Variants in DMTF1 observed in about 807,000 individuals in gnomAD.
DMTF1 encodes cyclin-D-binding Myb-like transcription factor 1.
In DMTF1, 39 loss-of-function variants were observed where a neutral mutation model predicts 91.1. The observed-to-expected ratio is 0.43, with a 90% CI of 0.33 to 0.56. DMTF1 has a LOEUF of 0.56. Ranked by LOEUF, DMTF1 falls within the 20% of genes least tolerant of loss-of-function variation. DMTF1 has a pLI of 0.05. For synonymous variants in DMTF1, 338 were observed against 309.5 expected (o/e 1.09, Z -0.97); for missense variants, 750 against 914.5 (o/e 0.82, Z 2.32).
Position 87,195,289 on chromosome 7 carries a change from CTT to C in DMTF1, c.*153_*154del. Reference sequence around the variant, plus strand: ...GCCACACACATTGTTGCTGCTATGACTTTTTACCTCCTTTAAACACATCATCT... The same window carrying C: ...GCCACACACATTGTTGCTGCTATGACTTTACCTCCTTTAAACACATCATCT... On this transcript the variant is annotated 3_prime_UTR_variant, in exon 18 of 18. Coordinates refer to ENST00000331242, the MANE Select transcript of DMTF1 (RefSeq NM_001142327.2). 1.7e-6 allele frequency: 1 copy of C among 596,782 alleles called. No individual in the cohort carries two copies. Among genetic ancestry groups the C allele is most frequent in the African/African-American group, 1.9e-5 (1 of 53,454 alleles). 37.0% of individuals were successfully genotyped at this position (596,782 alleles called of 1,614,324 possible).
intron 1 of DMTF1, among the ~76,000 whole-genome samples, chr7:87,157,809 C>T (rs181681783): frequency 1.1e-3 from 163 of 151,352 alleles, no homozygotes; most frequent in Admixed American, 5.7e-3. Context: ...CACAATAACT[C>T]CATTATAAGA....
chr7:87,174,684 A>ATT lies in DMTF1; in HGVS notation c.519+19_519+20dup. 1 of 1,572,762 alleles carries ATT rather than the reference A, an allele frequency of 6.4e-7. No individual in the cohort carries two copies. The highest frequency in any genetic ancestry group is 8.7e-7 in the Non-Finnish European group (1 of 1,149,306). On this transcript the variant is annotated intron_variant, in intron 7 of 17. Transcript: ENST00000331242. ...GCTATCTTAAGGTATCTTATGGCAT[A>ATT]TTTTTATGTTTCACCAATTTGTTTA...
chr7:87,194,443 C>T, intron 16 of DMTF1: 1 of 484,936 alleles, frequency 2.1e-6, no homozygotes, highest in Non-Finnish European at 3.6e-6. Flanking sequence ...ACTGTAACAG[C>T]ATTGTTTCTT....
At chr7:87,190,382 G>C (rs974715164) in intron 13 of DMTF1, among the ~76,000 whole-genome samples, 4 of 152,004 alleles carry the variant, frequency 2.6e-5, no homozygotes, top group African/African-American at 9.6e-5. Flanking sequence ...AGTGATTAAA[G>C]CCTAGTATTT....
At chr7:87,160,441 A>C (rs891638829) in intron 1 of DMTF1, among the ~76,000 whole-genome samples, 2 of 151,160 alleles carry the variant, frequency 1.3e-5, no homozygotes, top group African/African-American at 2.4e-5. Context: ...CACCCGGCTA[A>C]TTTTTGTATT....
At chr7:87,167,990 T>C (rs1794223367) in intron 4 of DMTF1, among the ~76,000 whole-genome samples, 1 of 152,232 alleles carries the variant, frequency 6.6e-6, no homozygotes, top group Non-Finnish European at 1.5e-5. Context: ...TTTTATTTTA[T>C]GGTGGTAAAC....
In DMTF1 at chr7:87,193,293, A is replaced by G. The variant is rs1212589881; in HGVS notation, c.1590A>G (p.Thr530=). The G allele has an allele frequency of 1.9e-6, 3 of 1,613,464 alleles. No homozygotes were observed. Among genetic ancestry groups the G allele is most frequent in the Admixed American group, 3.3e-5 (2 of 59,916 alleles). ...GLPLTLTASP[T]VTLTAAAPAS... Reference sequence around the variant, plus strand: ...CCCTAACTCTGACTGCTAGTCCCACAGTAACCCTGACAGCTGCTGCTCCTG... The same window carrying G: ...CCCTAACTCTGACTGCTAGTCCCACGGTAACCCTGACAGCTGCTGCTCCTG... The change falls in exon 15 of 18, where the codon ACA becomes ACG. Residue 530 remains threonine (T), a synonymous_variant. Transcript: ENST00000331242.
intron 7 of DMTF1, among the ~76,000 whole-genome samples, chr7:87,178,537 T>G (rs1584366471): frequency 6.6e-6 from 1 of 152,090 alleles, no homozygotes; most frequent in East Asian, 1.9e-4. Context: ...TGTGATTAAT[T>G]ACATTAATAA....
intron 1 of DMTF1, chr7:87,155,352 T>G (rs1229383542): frequency 6.6e-6 from 1 of 152,088 alleles, no homozygotes; most frequent in East Asian, 1.9e-4. Context: ...AAATGGAGTT[T>G]TCCATTTTAA....
Position 87,184,470 on chromosome 7 carries a change from C to T in DMTF1, c.894C>T (p.Asp298=). ...VHELTSTEPG[D]IVTQGVSWAA... is the part of the protein sequence containing the mutation. ...AGTTGACAAGCACTGAGCCAGGTGA[C>T]ATAGTCACACAGGGTGTGTCTTGGG... Residue 298 remains aspartate (D), a synonymous_variant, in exon 11 of 18, where the codon GAC becomes GAT. Transcript: ENST00000331242. The T allele has an allele frequency of 6.2e-7, 1 of 1,614,002 alleles. No individual in the cohort carries two copies. The highest frequency in any genetic ancestry group is 8.5e-7 in the Non-Finnish European group (1 of 1,179,956).
intron 5 of DMTF1, among the ~76,000 whole-genome samples, chr7:87,172,636 G>C (rs1484204310): frequency 2.3e-5 from 1 of 42,700 alleles, no homozygotes; most frequent in Non-Finnish European, 6.2e-5. Flanking sequence ...ACATTGCTTA[G>C]TCTTTTTTTA....
chr7:87,160,637 T>C (rs891611386), intron 1 of DMTF1, among the ~76,000 whole-genome samples: 2 of 152,192 alleles, frequency 1.3e-5, no homozygotes, highest in African/African-American at 4.8e-5. Flanking sequence ...CTTCTGCCTC[T>C]ACTACTCCCA....
chr7:87,180,644 A>C (rs1797127671), intron 8 of DMTF1, among the ~76,000 whole-genome samples: 1 of 152,004 alleles, frequency 6.6e-6, no homozygotes, highest in Admixed American at 6.6e-5. Flanking sequence ...TCTAGTTTAC[A>C]ATGTCACCCA....
At chr7:87,156,906 G>A (rs934293505) in intron 1 of DMTF1, among the ~76,000 whole-genome samples, 1 of 152,084 alleles carries the variant, frequency 6.6e-6, no homozygotes, top group Non-Finnish European at 1.5e-5. Flanking sequence ...TGAGTAATAG[G>A]TACGAATTAG....
In DMTF1 at chr7:87,184,511, G is replaced by C; in HGVS notation, c.935G>C (p.Arg312Pro). Residue 312 changes from arginine (R) to proline (P), a missense_variant, in exon 11 of 18, where the codon CGA (arginine) becomes CCA (proline). By Grantham distance (103) the Arg-to-Pro change is moderately radical (BLOSUM62 -2). Transcript: ENST00000331242. Reference sequence around the variant, plus strand: ...GTGTCTTGGGCAGCTGTGGCTGAACGAGTCGGTACCCGCTCAGAAAAGCAA... The same window carrying C: ...GTGTCTTGGGCAGCTGTGGCTGAACCAGTCGGTACCCGCTCAGAAAAGCAA... ...QGVSWAAVAE[R>P]VGTRSEKQCR... is the part of the protein sequence containing the mutation. 6.2e-7 allele frequency: 1 copy of C among 1,614,026 alleles called. No individual in the cohort carries two copies.
chr7:87,190,968 G>T lies in DMTF1; in HGVS notation c.1435G>T (p.Val479Phe). The change falls in exon 14 of 18, where the codon GTT becomes TTT. Residue 479 changes from valine to phenylalanine, a missense_variant. Val to Phe is a conservative substitution (Grantham distance 50). This residue lies in a region of DMTF1 where 410 missense variants were observed against 420.2 expected (regional missense o/e 0.98). Transcript: ENST00000331242. ...AGCTTCAGCAGACTCTCCTGCTACC[G>T]TTGACTCAGAAACAATAACACTAAA... Reference protein sequence around the residue: ...HVSSADSPATVDSETITLNSG... With the variant: ...HVSSADSPATFDSETITLNSG... The T allele has an allele frequency of 6.2e-7, 1 of 1,609,888 alleles. No individual in the cohort carries two copies.
chr7:87,157,498 T>C (rs747244544), intron 1 of DMTF1, among the ~76,000 whole-genome samples: 7 of 152,146 alleles, frequency 4.6e-5, no homozygotes, highest in Non-Finnish European at 8.8e-5. Context: ...AAGGTGACTT[T>C]ATTCCTTGAT....
intron 1 of DMTF1, among the ~76,000 whole-genome samples, chr7:87,161,475 C>T (rs1028327968): frequency 9.9e-5 from 15 of 152,162 alleles, no homozygotes; most frequent in Admixed American, 4.6e-4. Flanking sequence ...GCACTACAGC[C>T]TGGGCAACAG....
chr7:87,173,069 C>G (rs977377569), intron 5 of DMTF1, among the ~76,000 whole-genome samples: 10 of 152,180 alleles, frequency 6.6e-5, no homozygotes, highest in African/African-American at 2.4e-4. Flanking sequence ...ATGATTTAGG[C>G]AGCAAGCTTA....
Sources: allele counts gnomAD v4.1 joint callset (sites outside exome capture counted in the v4.1 genomes callset), GRCh38; gene constraint gnomAD v4.1.1; regional missense constraint gnomAD v4.1.1; transcripts MANE v1.5; gene names NCBI Gene and HGNC (gene_info 2026-07-23, HGNC 2026-07-21).